The following PVT1 variants were observed in gnomAD, a reference collection of about 807,000 sequenced individuals.
PVT1 encodes the protein Pvt1 oncogene.
At chr8:127,956,163 G>A (rs535815592) in intron 3 of PVT1, among the ~76,000 whole-genome samples, 3 of 152,252 alleles carry the variant, frequency 2.0e-5, no homozygotes, top group Non-Finnish European at 4.4e-5. Flanking sequence ...AAGGGGAAGA[G>A]CCTTGGCTTT....
chr8:127,875,432 GAATACTTCATCATTAGACA>G (rs1454986198), intron 2 of PVT1, among the ~76,000 whole-genome samples: 1 of 151,720 alleles, frequency 6.6e-6, no homozygotes, highest in Non-Finnish European at 1.5e-5. Flanking sequence ...ATTATAAGAG[GAATACTTCATCATTAGACA>G]TATTTCGAGC....
rs117005458 is a variant in PVT1, at chr8:127,920,184, A to G, written n.782+29186A>G. Among the ~76,000 whole-genome samples, 977 of 152,328 alleles carry G rather than the reference A, an allele frequency of 6.4e-3. 3 individuals are homozygous for G. Among genetic ancestry groups the G allele is most frequent in the Middle Eastern group, 0.027 (8 of 294 alleles). On this transcript the variant is annotated intron_variant and non_coding_transcript_variant, in intron 3 of 10. Coordinates refer to ENST00000651587, the Ensembl canonical transcript of PVT1. ...GCCAACATTCAGCCCACCCACATCC[A>G]ATGATAATCAGTCATTTACTGATGG...
intron 4 of PVT1, among the ~76,000 whole-genome samples, chr8:128,069,797 G>A (rs1298475421): frequency 1.3e-5 from 2 of 152,156 alleles, no homozygotes; most frequent in African/African-American, 2.4e-5. Context: ...CAGCATTCAC[G>A]CCTGGGTTCT....
intron 4 of PVT1, among the ~76,000 whole-genome samples, chr8:128,024,756 G>A (rs373499924): frequency 8.5e-5 from 13 of 152,344 alleles, no homozygotes; most frequent in African/African-American, 2.6e-4. Flanking sequence ...GCTCCTATGC[G>A]CCTGTGCTGT....
intron 3 of PVT1, among the ~76,000 whole-genome samples, chr8:127,973,498 C>T (rs935420784): frequency 6.6e-6 from 1 of 152,032 alleles, no homozygotes; most frequent in Non-Finnish European, 1.5e-5. Flanking sequence ...AGACTTAGGT[C>T]CCCTGTGATT....
At chr8:128,008,341 C>G (rs1471990197) in intron 4 of PVT1, among the ~76,000 whole-genome samples, 2 of 152,154 alleles carry the variant, frequency 1.3e-5, no homozygotes, top group Admixed American at 1.3e-4. Flanking sequence ...GAGTGAGGGC[C>G]TGTTATGTGC....
chr8:127,982,055 G>A (rs1816887935), intron 3 of PVT1, among the ~76,000 whole-genome samples: 1 of 152,174 alleles, frequency 6.6e-6, no homozygotes, highest in South Asian at 2.1e-4. Flanking sequence ...TTCTCCCTCT[G>A]CAGAGGTCTT....
At chr8:127,890,026 G>T (rs1157940516) in intron 2 of PVT1, among the ~76,000 whole-genome samples, 2 of 152,196 alleles carry the variant, frequency 1.3e-5, no homozygotes, top group African/African-American at 4.8e-5. Flanking sequence ...TACCTAGCAG[G>T]TGCTCAGTAG....
At chr8:128,037,880 T>TG (rs1251468386) in intron 4 of PVT1, among the ~76,000 whole-genome samples, 1 of 152,182 alleles carries the variant, frequency 6.6e-6, no homozygotes, top group Non-Finnish European at 1.5e-5. Context: ...TGTAGACTAG[T>TG]GGTTCCCAAC....
intron 4 of PVT1, among the ~76,000 whole-genome samples, chr8:128,011,717 C>T (rs1256919111): frequency 2.6e-5 from 4 of 152,180 alleles, no homozygotes; most frequent in African/African-American, 9.7e-5. Flanking sequence ...GAGGTAGAGA[C>T]TGGACCTTGA....
At chr8:127,813,443 C>G (rs571972005) in intron 2 of PVT1, among the ~76,000 whole-genome samples, 1 of 151,920 alleles carries the variant, frequency 6.6e-6, no homozygotes, top group Non-Finnish European at 1.5e-5. Flanking sequence ...CATCTGCTCT[C>G]CTGGTTGTAT....
intron 2 of PVT1, among the ~76,000 whole-genome samples, chr8:127,796,500 G>C (rs1316146351): frequency 6.6e-6 from 1 of 151,974 alleles, no homozygotes; most frequent in Admixed American, 6.6e-5. Context: ...CCTCCTGAGC[G>C]GTAGGCAGGC....
chr8:128,002,370 A>T (rs1390764756), intron 4 of PVT1, among the ~76,000 whole-genome samples: 2 of 152,176 alleles, frequency 1.3e-5, no homozygotes, highest in African/African-American at 4.8e-5. Flanking sequence ...ACTCTTTCTT[A>T]TTCAGTAGGA....
At chr8:128,046,101 T>C (rs1333443068) in intron 4 of PVT1, among the ~76,000 whole-genome samples, 1 of 152,184 alleles carries the variant, frequency 6.6e-6, no homozygotes, top group African/African-American at 2.4e-5. Context: ...CCTAAGCAAG[T>C]GTTAGCTCGA....
intron 2 of PVT1, among the ~76,000 whole-genome samples, chr8:127,867,389 A>C (rs1328427215): frequency 6.6e-6 from 1 of 152,156 alleles, no homozygotes; most frequent in African/African-American, 2.4e-5. Context: ...GAGGTGAGGA[A>C]TTTTGTGAGG....
chr8:127,897,480 G>C (rs942535125), intron 3 of PVT1, among the ~76,000 whole-genome samples: 3 of 144,760 alleles, frequency 2.1e-5, no homozygotes, highest in Non-Finnish European at 3.0e-5. Context: ...GAAAGAAAGA[G>C]AGAAAGAGAG....
At chr8:128,048,254 ATAT>A (rs538558544) in intron 4 of PVT1, among the ~76,000 whole-genome samples, 1 of 152,340 alleles carries the variant, frequency 6.6e-6, no homozygotes, top group South Asian at 2.1e-4. Context: ...CTTTCCACTA[ATAT>A]TTGTGAATGA....
chr8:127,941,028 G>A (rs779752313), intron 3 of PVT1, among the ~76,000 whole-genome samples: 8 of 152,174 alleles, frequency 5.3e-5, no homozygotes, highest in Admixed American at 1.3e-4. Context: ...TCTGGATGTT[G>A]GCAGAATTTG....
chr8:128,092,372 CT>C (rs919920042), intron 5 of PVT1, among the ~76,000 whole-genome samples: 1 of 152,196 alleles, frequency 6.6e-6, no homozygotes, highest in African/African-American at 2.4e-5. Context: ...AGGCCTTCCT[CT>C]GACTGATCCA....
Sources: gnomAD v4.1 joint callset for allele counts (sites outside exome capture counted in the v4.1 genomes callset) on GRCh38, gnomAD v4.1.1 for gene constraint, MANE v1.5 for transcripts, NCBI Gene and HGNC (gene_info 2026-07-23, HGNC 2026-07-21) for gene names.